NT5C3A: variants seen among roughly 807,000 people sequenced by gnomAD.
NT5C3A encodes cytosolic 5'-nucleotidase 3A.
Under a neutral mutation model 40.0 loss-of-function variants are expected in NT5C3A, and 23 were observed. That is an observed-to-expected ratio of 0.58 (90% CI 0.41 to 0.81). The LOEUF (loss-of-function observed/expected upper bound fraction) is 0.81, where lower values mean the gene tolerates loss of function less well. Ranked by LOEUF, NT5C3A falls within the 40% of genes least tolerant of loss-of-function variation. NT5C3A has a pLI of 0.00. For missense variants in NT5C3A, 328 were observed against 403.0 expected (o/e 0.81, Z 1.59); for synonymous variants, 130 against 141.4 (o/e 0.92, Z 0.57).
chr7:33,054,604 G>A (rs186966865), intron 1 of NT5C3A, among the ~76,000 whole-genome samples: 20 of 152,202 alleles, frequency 1.3e-4, no homozygotes, highest in African/African-American at 4.8e-4. Flanking sequence ...ATTATATCTT[G>A]GGGATGGTGC....
chr7:33,061,979 G>A (rs537714826), intron 1 of NT5C3A, among the ~76,000 whole-genome samples: 9 of 152,302 alleles, frequency 5.9e-5, no homozygotes, highest in East Asian at 1.9e-4. Flanking sequence ...AAGATATTTC[G>A]TGGGAGTTTT....
chr7:33,020,903 T>G (rs1785590013), intron 5 of NT5C3A, among the ~76,000 whole-genome samples: 1 of 152,196 alleles, frequency 6.6e-6, no homozygotes, highest in African/African-American at 2.4e-5. Flanking sequence ...AAGGTCGATT[T>G]TTGGGTAACC....
At chr7:33,034,683 G>A (rs1786484489) in intron 1 of NT5C3A, among the ~76,000 whole-genome samples, 1 of 152,186 alleles carries the variant, frequency 6.6e-6, no homozygotes, top group African/African-American at 2.4e-5. Flanking sequence ...ACCATTTTGA[G>A]TCAACTTTCA....
chr7:33,014,831 C>A lies in NT5C3A; in HGVS notation c.895G>T (p.Val299Leu). The change falls in exon 9 of 9, where the codon GTG (valine) becomes TTG (leucine). Residue 299 changes from valine to leucine, a missense_variant and splice_region_variant. Val to Leu is a conservative substitution (Grantham distance 32, BLOSUM62 1). Around this residue, in one of 3 missense-constraint regions of NT5C3A, gnomAD observed 36 missense variants for 51.1 expected, o/e 0.70. Coordinates refer to ENST00000610140, the MANE Select transcript of NT5C3A (RefSeq NM_001002010.5). ...ATGTACTTTTCTAAAAGCTCATCCA[C>A]CTAATCAAGAGATGAACAAAAGAAA... The part of the protein sequence containing the change: ...ILKIGYLNDR[V>L]DELLEKYMDS... 1 of 1,610,070 alleles carries A rather than the reference C, an allele frequency of 6.2e-7. No individual in the cohort carries two copies. The highest frequency in any genetic ancestry group is 1.3e-5 in the African/African-American group (1 of 74,930).
At chr7:33,042,479 A>C (rs1031462114) in intron 1 of NT5C3A, among the ~76,000 whole-genome samples, 1 of 152,206 alleles carries the variant, frequency 6.6e-6, no homozygotes, top group African/African-American at 2.4e-5. Context: ...AGGACAGCCT[A>C]TTATCTCTAA....
chr7:33,041,735 G>GA (rs537553499), intron 1 of NT5C3A, among the ~76,000 whole-genome samples: 54 of 151,468 alleles, frequency 3.6e-4, no homozygotes, highest in Non-Finnish European at 6.3e-4. Flanking sequence ...CTGTCATGAA[G>GA]AAAAAAAAAT....
chr7:33,043,284 C>A (rs866517366), intron 1 of NT5C3A, among the ~76,000 whole-genome samples: 1 of 152,120 alleles, frequency 6.6e-6, no homozygotes, highest in Admixed American at 6.6e-5. Context: ...AAGGAAAAAT[C>A]TTTATACAAG....
At chr7:33,023,865 T>G in intron 3 of NT5C3A, 174 bp downstream of exon 3, 1 of 596,600 alleles carries the variant, frequency 1.7e-6, no homozygotes, top group East Asian at 2.8e-5. Flanking sequence ...AAAATAACCA[T>G]TTATATAATA....
intron 2 of NT5C3A, 102 bp from the exon 3 acceptor site, chr7:33,024,210 G>C (rs1156583300): frequency 2.8e-6 from 2 of 721,820 alleles, no homozygotes; most frequent in Non-Finnish European, 5.0e-6. Flanking sequence ...TAGATGCATA[G>C]GACTGTGCTC....
intron 1 of NT5C3A, among the ~76,000 whole-genome samples, chr7:33,059,329 C>T (rs1258171895): frequency 6.6e-6 from 1 of 152,174 alleles, no homozygotes; most frequent in Non-Finnish European, 1.5e-5. Context: ...ATTTCATGAA[C>T]ATTTCTAGTT....
At chr7:33,015,080 C>T (rs1354504980) in intron 8 of NT5C3A, among the ~76,000 whole-genome samples, 1 of 152,040 alleles carries the variant, frequency 6.6e-6, no homozygotes, top group Non-Finnish European at 1.5e-5. Flanking sequence ...TGATTTTTGT[C>T]CACGGAACAT....
At chr7:33,022,607 G>A (rs1279307019) in intron 3 of NT5C3A, among the ~76,000 whole-genome samples, 1 of 152,096 alleles carries the variant, frequency 6.6e-6, no homozygotes, top group Non-Finnish European at 1.5e-5. Flanking sequence ...TCAGTCTTAA[G>A]ATTTCATGTA....
chr7:33,027,166 C>T, intron 1 of NT5C3A: 2 of 400,256 alleles, frequency 5.0e-6, no homozygotes, highest in South Asian at 4.6e-5. Flanking sequence ...AACTCCTGGG[C>T]TCAAATGATC....
At chr7:33,038,914 C>T (rs1012289822) in intron 1 of NT5C3A, 6 of 456,122 alleles carry the variant, frequency 1.3e-5, no homozygotes, top group Non-Finnish European at 2.6e-5. Context: ...GAAAATACTG[C>T]CCTTGATCTA....
chr7:33,017,344 G>T, intron 7 of NT5C3A, 95 bp downstream of exon 7: 1 of 988,664 alleles, frequency 1.0e-6, no homozygotes, highest in Non-Finnish European at 1.5e-6. Context: ...CCTAATTTCT[G>T]GATATAGGAT....
chr7:33,045,119 A>C (rs1485238094), intron 1 of NT5C3A, among the ~76,000 whole-genome samples: 1 of 152,374 alleles, frequency 6.6e-6, no homozygotes, highest in East Asian at 1.9e-4. Flanking sequence ...TATTCCAAAC[A>C]AAACAATGAA....
chr7:33,030,461 A>G (rs17470890), intron 1 of NT5C3A, among the ~76,000 whole-genome samples: 5,421 of 152,330 alleles, frequency 0.036, 121 homozygotes, highest in South Asian at 0.058. Context: ...AAAAATTTTC[A>G]ATTTGATTAT....
Position 33,030,939 on chromosome 7 carries a change from A to AT in NT5C3A, c.139-4025_139-4024insA, listed in dbSNP as rs755696327. On this transcript the variant is annotated intron_variant, in intron 1 of 8. Transcript: ENST00000610140. ...ACGGTGAAACCCTGTCTCTACTAAA[A>AT]ATACAAAAAATTAGCCAGGCGAGGT... Among the ~76,000 whole-genome samples the AT allele has an allele frequency of 1.5e-4, 23 of 152,010 alleles. No individual in the cohort carries two copies. The East Asian group carries it at 4.3e-3, about 28-fold the overall frequency.
At chr7:33,057,985 A>C (rs972894580) in intron 1 of NT5C3A, among the ~76,000 whole-genome samples, 1 of 152,252 alleles carries the variant, frequency 6.6e-6, no homozygotes, top group Non-Finnish European at 1.5e-5. Flanking sequence ...AGAATTTAAT[A>C]AAGGATATTA....
Sources: allele counts gnomAD v4.1 joint callset (sites outside exome capture counted in the v4.1 genomes callset), GRCh38; gene constraint gnomAD v4.1.1; regional missense constraint gnomAD v4.1.1; transcripts MANE v1.5; gene names NCBI Gene and HGNC (gene_info 2026-07-23, HGNC 2026-07-21).